CD109: variants seen among roughly 807,000 people sequenced by gnomAD.
The protein encoded by CD109 is CD109 antigen.
In CD109, 149 loss-of-function variants were observed where a neutral mutation model predicts 165.8. The ratio of observed to expected loss-of-function variants is 0.90; its 90% CI spans 0.79 to 1.03. The LOEUF is 1.03. Ranked by LOEUF, CD109 falls within the 50% of genes least tolerant of loss-of-function variation. The pLI, the probability that CD109 is intolerant of heterozygous loss-of-function variation, is 0.00. For missense variants in CD109, 1,712 were observed against 1,677.8 expected (o/e 1.02, Z -0.36); for synonymous variants, 585 against 592.1 (o/e 0.99, Z 0.18).
intron 11 of CD109, 65 bp downstream of exon 11, chr6:73,766,219 G>A (rs1177872077): frequency 3.9e-5 from 51 of 1,294,790 alleles, no homozygotes; most frequent in Non-Finnish European, 5.4e-5. Flanking sequence ...TCTTGTGGTA[G>A]GCACTCAACC....
At chr6:73,699,332 C>A (rs1303015297) in intron 2 of CD109, among the ~76,000 whole-genome samples, 1 of 152,010 alleles carries the variant, frequency 6.6e-6, no homozygotes, top group Non-Finnish European at 1.5e-5. Context: ...ATATAACAAA[C>A]CTGCACGTGT....
chr6:73,703,847 A>G (rs1467766939), intron 2 of CD109, among the ~76,000 whole-genome samples: 1 of 152,182 alleles, frequency 6.6e-6, no homozygotes, highest in African/African-American at 2.4e-5. Flanking sequence ...AATTGTATTT[A>G]TTAAAAAGGC....
At chr6:73,771,928 A>C (rs1174848220) in intron 15 of CD109, among the ~76,000 whole-genome samples, 1 of 152,208 alleles carries the variant, frequency 6.6e-6, no homozygotes, top group African/African-American at 2.4e-5. Flanking sequence ...TGTTCTCACC[A>C]CAAAAAATGA....
intron 2 of CD109, among the ~76,000 whole-genome samples, chr6:73,706,782 A>G (rs998355034): frequency 1.1e-4 from 16 of 152,224 alleles, no homozygotes; most frequent in Non-Finnish European, 2.1e-4. Context: ...TTGGAAATAA[A>G]TGAAGAGGAA....
chr6:73,701,723 A>G (rs773165754), intron 2 of CD109, among the ~76,000 whole-genome samples: 1 of 152,178 alleles, frequency 6.6e-6, no homozygotes, highest in Non-Finnish European at 1.5e-5. Flanking sequence ...AGTAATAAAG[A>G]ATATAACCTT....
chr6:73,726,099 A>T (rs951001002), intron 3 of CD109, among the ~76,000 whole-genome samples: 1 of 151,984 alleles, frequency 6.6e-6, no homozygotes, highest in East Asian at 1.9e-4. Flanking sequence ...CCCCAGTGAG[A>T]ACATACCTGT....
At chr6:73,685,041 C>T in the CD109 span, among the ~76,000 whole-genome samples, 2 of 151,402 alleles carry the variant, frequency 1.3e-5, no homozygotes, top group Admixed American at 6.6e-5. Flanking sequence ...CTCAGCCTCC[C>T]GAGTAGCTGG....
chr6:73,726,632 T>C (rs1265749877), intron 3 of CD109, among the ~76,000 whole-genome samples: 1 of 152,242 alleles, frequency 6.6e-6, no homozygotes, highest in African/African-American at 2.4e-5. Flanking sequence ...CAGATTAGAA[T>C]AAGTAATCCT....
chr6:73,722,285 A>C (rs1438996910), intron 2 of CD109, among the ~76,000 whole-genome samples: 1 of 152,188 alleles, frequency 6.6e-6, no homozygotes. Context: ...TATATGCTTT[A>C]CAGGTATCAA....
rs1310119888 is a variant in CD109 at position 73,805,958 on chromosome 6, A to G, written c.2961-886A>G. 2.6e-5 allele frequency among the ~76,000 whole-genome samples: 4 copies of G among 152,212 alleles called. 1 individual carries two copies. The highest frequency in any genetic ancestry group is 2.9e-5 in the Non-Finnish European group (2 of 67,982). On this transcript the variant is annotated intron_variant, in intron 24 of 32. Coordinates refer to ENST00000287097, the MANE Select transcript of CD109 (RefSeq NM_133493.5). The stretch of plus-strand genomic sequence containing the variant: ...TGTCTACTTCTTTCTACACAGACAC[A>G]GCAACAATCTGATCTCTCTTTCTTT...
intron 4 of CD109, among the ~76,000 whole-genome samples, chr6:73,732,975 A>G (rs1004848980): frequency 4.6e-5 from 7 of 152,122 alleles, no homozygotes; most frequent in Non-Finnish European, 1.0e-4. Context: ...TTTTGGAACT[A>G]TGAGTGAGGG....
chr6:73,762,882 G>T lies in CD109; in HGVS notation c.997G>T (p.Gly333Cys). Reference protein sequence around the residue: ...ILTTVTESVTGISRNVSTNVF... With the variant: ...ILTTVTESVTCISRNVSTNVF... ...AACCACAGTGACAGAATCAGTTACA[G>T]GTTTGTAGACTTTAAAGTGGAGGTA... is the stretch of plus-strand genomic sequence containing the variant. The change falls in exon 9 of 33, where the codon GGT becomes TGT. Residue 333 changes from glycine to cysteine, a missense_variant and splice_region_variant. Transcript: ENST00000287097. 6.2e-7 allele frequency: 1 copy of T among 1,604,320 alleles called. No homozygotes were observed. The highest frequency in any genetic ancestry group is 8.5e-7 in the Non-Finnish European group (1 of 1,177,626).
At chr6:73,767,888 T>A (rs939169677) in intron 13 of CD109, among the ~76,000 whole-genome samples, 167 bp from the exon 14 acceptor site, 8 of 152,202 alleles carry the variant, frequency 5.3e-5, no homozygotes, top group African/African-American at 1.4e-4. Flanking sequence ...TTTTTCTCAG[T>A]GTATGCTCTC....
intron 3 of CD109, among the ~76,000 whole-genome samples, chr6:73,729,028 A>G (rs893685167): frequency 1.3e-5 from 2 of 152,180 alleles, no homozygotes; most frequent in Non-Finnish European, 2.9e-5. Context: ...GGGCTAACAC[A>G]TTCTGTGAGG....
chr6:73,747,559 G>A (rs1362550577), intron 5 of CD109, among the ~76,000 whole-genome samples: 2 of 152,142 alleles, frequency 1.3e-5, no homozygotes, highest in African/African-American at 4.8e-5. Flanking sequence ...ATACACCAAT[G>A]ACTCTCAAAT....
At chr6:73,808,399 C>T (rs992552922) in intron 26 of CD109, 151 bp downstream of exon 26, 1 of 711,120 alleles carries the variant, frequency 1.4e-6, no homozygotes, top group Non-Finnish European at 2.2e-6. Flanking sequence ...CCTGACATGG[C>T]CACAATGCTT....
chr6:73,686,662 A>C, the CD109 span, among the ~76,000 whole-genome samples: 1 of 152,064 alleles, frequency 6.6e-6, no homozygotes, highest in African/African-American at 2.4e-5. Context: ...TTAAATTAAA[A>C]ATTCAATTTC....
intron 15 of CD109, among the ~76,000 whole-genome samples, chr6:73,777,882 T>A (rs1250536581): frequency 1.3e-5 from 2 of 152,208 alleles, no homozygotes; most frequent in Non-Finnish European, 2.9e-5. Flanking sequence ...CTTAGGATTG[T>A]CTTGGCTATA....
chr6:73,720,141 G>A (rs375132957), intron 2 of CD109, among the ~76,000 whole-genome samples: 120 of 152,218 alleles, frequency 7.9e-4, no homozygotes, highest in African/African-American at 2.4e-3. Flanking sequence ...GTATATATAC[G>A]TAATGGAACA....
Sources: allele counts gnomAD v4.1 joint callset (sites outside exome capture counted in the v4.1 genomes callset), GRCh38; gene constraint gnomAD v4.1.1; transcripts MANE v1.5; gene names NCBI Gene and HGNC (gene_info 2026-07-23, HGNC 2026-07-21).